PLPP4: variants seen among roughly 807,000 people sequenced by gnomAD.
PLPP4 encodes diacylglycerol pyrophosphate like 2.
PLPP4 carries 20 observed loss-of-function variants against 32.2 expected under a neutral mutation model. The observed-to-expected ratio is 0.62, with a 90% CI of 0.44 to 0.90. PLPP4 has a LOEUF of 0.90. Among genes scored for constraint, PLPP4 ranks in the 40% least tolerant of loss-of-function variants. PLPP4 has a pLI of 0.00. For synonymous variants in PLPP4, 127 were observed against 133.0 expected (o/e 0.95, Z 0.31); for missense variants, 257 against 353.1 (o/e 0.73, Z 2.18).
chr10:120,582,827 C>T (rs1307830470), intron 6 of PLPP4, among the ~76,000 whole-genome samples: 1 of 131,348 alleles, frequency 7.6e-6, no homozygotes, highest in East Asian at 2.6e-4. Context: ...TCCTTCTCTC[C>T]TTTCTTCTTG....
chr10:120,551,991 A>G (rs1353243235), intron 5 of PLPP4, among the ~76,000 whole-genome samples: 1 of 152,146 alleles, frequency 6.6e-6, no homozygotes, highest in African/African-American at 2.4e-5. Context: ...AAATTCCATA[A>G]GGCCAAAACC....
chr10:120,492,522 T>C (rs1344642480), intron 1 of PLPP4, among the ~76,000 whole-genome samples: 1 of 152,226 alleles, frequency 6.6e-6, no homozygotes, highest in African/African-American at 2.4e-5. Flanking sequence ...AGCCTGGCTC[T>C]TTACGTCCAT....
At chr10:120,540,990 C>T (rs1222103786) in intron 5 of PLPP4, among the ~76,000 whole-genome samples, 1 of 152,160 alleles carries the variant, frequency 6.6e-6, no homozygotes, top group East Asian at 1.9e-4. Context: ...GGTCTAAATA[C>T]CATGACCATT....
chr10:120,540,538 A>G (rs917900339), intron 5 of PLPP4, among the ~76,000 whole-genome samples: 2 of 152,170 alleles, frequency 1.3e-5, no homozygotes, highest in African/African-American at 4.8e-5. Context: ...CCTTATGCCA[A>G]TTAGGAAGAG....
chr10:120,495,450 A>C (rs989037487), intron 1 of PLPP4, among the ~76,000 whole-genome samples: 1 of 152,106 alleles, frequency 6.6e-6, no homozygotes, highest in Non-Finnish European at 1.5e-5. Context: ...CTTCCTGCCA[A>C]GAGTGGAGTG....
At chr10:120,585,177 A>G (rs1367434969) in intron 6 of PLPP4, among the ~76,000 whole-genome samples, 1 of 152,230 alleles carries the variant, frequency 6.6e-6, no homozygotes, top group Non-Finnish European at 1.5e-5. Context: ...GTGCAACTCT[A>G]AGACCTTGAA....
chr10:120,473,868 C>G (rs949056771), intron 1 of PLPP4, among the ~76,000 whole-genome samples: 1 of 152,122 alleles, frequency 6.6e-6, no homozygotes, highest in African/African-American at 2.4e-5. Flanking sequence ...AGCCATGCTC[C>G]CTGTACAGTG....
chr10:120,474,202 G>A (rs977553162), intron 1 of PLPP4, among the ~76,000 whole-genome samples: 3 of 152,192 alleles, frequency 2.0e-5, no homozygotes, highest in African/African-American at 7.2e-5. Flanking sequence ...TGACCTAGAT[G>A]TCTCTTTAAA....
intron 5 of PLPP4, among the ~76,000 whole-genome samples, chr10:120,559,570 G>A (rs947061738): frequency 1.3e-5 from 2 of 151,818 alleles, no homozygotes; most frequent in Admixed American, 1.3e-4. Context: ...ATGTACAGTT[G>A]ACCCTTGAAC....
At chr10:120,502,365 AG>A (rs1313370357) in intron 1 of PLPP4, among the ~76,000 whole-genome samples, 1 of 152,122 alleles carries the variant, frequency 6.6e-6, no homozygotes, top group Non-Finnish European at 1.5e-5. Flanking sequence ...AGAAGGAGGG[AG>A]GGAGAGACAG....
intron 5 of PLPP4, among the ~76,000 whole-genome samples, chr10:120,550,206 A>T (rs1847824109): frequency 6.6e-6 from 1 of 151,996 alleles, no homozygotes; most frequent in Non-Finnish European, 1.5e-5. Flanking sequence ...CTTTTAAAGT[A>T]CCATTTATAG....
Position 120,552,611 on chromosome 10 carries a change from A to G in PLPP4, c.446-22520A>G, listed in dbSNP as rs1027426638. On this transcript the variant is annotated intron_variant, in intron 5 of 6. Transcript: ENST00000398250. ...TTTTGTGCTCATTCCCAGGAAAGCA[A>G]TCTGGCTGGTGGGTGAGAAGCACCA... 9.9e-5 allele frequency among the ~76,000 whole-genome samples: 15 copies of G among 152,224 alleles called. No homozygotes were observed. In the East Asian group the frequency reaches 1.9e-3, roughly 20 times the overall value.
intron 5 of PLPP4, among the ~76,000 whole-genome samples, chr10:120,567,491 G>A (rs766010821): frequency 8.5e-5 from 13 of 152,300 alleles, no homozygotes; most frequent in Middle Eastern, 6.8e-3. Context: ...ACACTGATTT[G>A]GAACCCAAGT....
At chr10:120,523,947 A>T (rs1343240840) in intron 5 of PLPP4, among the ~76,000 whole-genome samples, 1 of 152,152 alleles carries the variant, frequency 6.6e-6, no homozygotes, top group Non-Finnish European at 1.5e-5. Context: ...TTGATTTCAG[A>T]TGCGCACCCT....
chr10:120,489,566 G>T (rs1165366094), intron 1 of PLPP4, among the ~76,000 whole-genome samples: 1 of 152,180 alleles, frequency 6.6e-6, no homozygotes, highest in Non-Finnish European at 1.5e-5. Context: ...GGAAGACCTT[G>T]GGGTGGGCAT....
At chr10:120,548,387 C>T (rs1015941681) in intron 5 of PLPP4, among the ~76,000 whole-genome samples, 2 of 152,088 alleles carry the variant, frequency 1.3e-5, no homozygotes, top group South Asian at 2.1e-4. Flanking sequence ...CCTCCATCTA[C>T]GTTGCTGCAA....
rs765621944 is a variant in PLPP4 at position 120,514,013 on chromosome 10, A to G, written c.256+12A>G. 1.9e-6 allele frequency: 3 copies of G among 1,589,112 alleles called. No homozygotes were observed. Among genetic ancestry groups the G allele is most frequent in the South Asian group, 2.2e-5 (2 of 90,550 alleles). ...GGAAGCCTTCTTAGGTAGAGTATTC[A>G]CAGTTCCTGCTTTAGGGAATGGGGC... On this transcript the variant is annotated intron_variant, in intron 3 of 6. Transcript: ENST00000398250.
At chr10:120,569,641 A>T (rs1272479464) in intron 5 of PLPP4, among the ~76,000 whole-genome samples, 1 of 152,234 alleles carries the variant, frequency 6.6e-6, no homozygotes, top group African/African-American at 2.4e-5. Context: ...CAGGTAGCTC[A>T]GGTATCACCC....
At chr10:120,494,645 G>A (rs1844880858) in intron 1 of PLPP4, among the ~76,000 whole-genome samples, 1 of 152,206 alleles carries the variant, frequency 6.6e-6, no homozygotes, top group Non-Finnish European at 1.5e-5. Context: ...GTCTCTACAT[G>A]CCAGTCTTCC....
Sources: allele counts gnomAD v4.1 joint callset (sites outside exome capture counted in the v4.1 genomes callset), GRCh38; gene constraint gnomAD v4.1.1; transcripts MANE v1.5; gene names NCBI Gene and HGNC (gene_info 2026-07-23, HGNC 2026-07-21).